Variants in IL18R1 observed in about 807,000 individuals in gnomAD.
The protein encoded by IL18R1 is interleukin-18 receptor 1.
In IL18R1, 40 loss-of-function variants were observed where a neutral mutation model predicts 48.5. The observed-to-expected ratio is 0.82, with a 90% CI of 0.64 to 1.07. The LOEUF (loss-of-function observed/expected upper bound fraction) is 1.07. Among genes scored for constraint, IL18R1 ranks in the 50% least tolerant of loss-of-function variants. The pLI, the probability that IL18R1 is intolerant of heterozygous loss-of-function variation, is 0.00. For synonymous variants in IL18R1, 232 were observed against 225.9 expected (o/e 1.03, Z -0.24); for missense variants, 596 against 633.7 (o/e 0.94, Z 0.64).
At chr2:102,389,726 C>G (rs1360651599) in intron 8 of IL18R1, among the ~76,000 whole-genome samples, 1 of 152,216 alleles carries the variant, frequency 6.6e-6, no homozygotes, top group African/African-American at 2.4e-5. Flanking sequence ...GCTAATATTT[C>G]TGTGAGTCCC....
At chr2:102,360,355 C>T (rs1331134716) in intron 1 of IL18R1, among the ~76,000 whole-genome samples, 1 of 152,152 alleles carries the variant, frequency 6.6e-6, no homozygotes, top group Non-Finnish European at 1.5e-5. Flanking sequence ...GCTCCGCCTC[C>T]CGGATTCACA....
At chr2:102,358,082 G>A (rs1433164475) in intron 1 of IL18R1, among the ~76,000 whole-genome samples, 7 of 152,150 alleles carry the variant, frequency 4.6e-5, no homozygotes, top group African/African-American at 1.4e-4. Context: ...TTGCTAATGA[G>A]TGATTTATAT....
chr2:102,359,663 G>A (rs1352006165), intron 1 of IL18R1, among the ~76,000 whole-genome samples: 1 of 152,176 alleles, frequency 6.6e-6, no homozygotes, highest in South Asian at 2.1e-4. Flanking sequence ...AAGCTGCTCA[G>A]TGTGCTTCTG....
chr2:102,397,903 T>A lies in IL18R1; in HGVS notation c.*1017T>A, dbSNP rs1477890570. 6.6e-6 allele frequency: 1 copy of A among 152,180 alleles called. No homozygotes were observed. The highest frequency in any genetic ancestry group is 6.5e-5 in the Admixed American group (1 of 15,282). 9.4% of individuals were successfully genotyped at this position (152,180 alleles called of 1,614,324 possible). On this transcript the variant is annotated 3_prime_UTR_variant, in exon 11 of 11. Transcript: ENST00000233957. ...AGTTTCCTCATCTGTGAAATTAGAATTTATAATAATTGCACCTACCTCCCA... is the reference window on the plus strand; with the variant it reads ...AGTTTCCTCATCTGTGAAATTAGAAATTATAATAATTGCACCTACCTCCCA...
chr2:102,393,509 T>C (rs1680657996), intron 9 of IL18R1, among the ~76,000 whole-genome samples: 1 of 152,228 alleles, frequency 6.6e-6, no homozygotes, highest in Admixed American at 6.5e-5. Flanking sequence ...ATGAGTGCTA[T>C]GGAGGATGCC....
intron 10 of IL18R1, among the ~76,000 whole-genome samples, chr2:102,395,870 C>T (rs1002062650): frequency 5.9e-5 from 9 of 152,208 alleles, no homozygotes; most frequent in Non-Finnish European, 5.9e-5. Flanking sequence ...AACACAGCCA[C>T]GCACATTGGT....
At chr2:102,392,842 C>T (rs1680624524) in intron 9 of IL18R1, among the ~76,000 whole-genome samples, 1 of 152,078 alleles carries the variant, frequency 6.6e-6, no homozygotes, top group South Asian at 2.1e-4. Context: ...AGAATAAAAA[C>T]ATTACCATTA....
At chr2:102,388,938 A>G (rs1052127061) in intron 8 of IL18R1, among the ~76,000 whole-genome samples, 2 of 152,148 alleles carry the variant, frequency 1.3e-5, no homozygotes, top group African/African-American at 4.8e-5. Context: ...TGCCCCCACC[A>G]TTACAATCTA....
chr2:102,361,982 G>A (rs1678602139), intron 1 of IL18R1, among the ~76,000 whole-genome samples: 1 of 152,122 alleles, frequency 6.6e-6, no homozygotes, highest in South Asian at 2.1e-4. Context: ...AAACTCATAT[G>A]GGCAGCCACA....
chr2:102,377,513 T>A (rs1359155007), intron 5 of IL18R1, among the ~76,000 whole-genome samples: 1 of 152,220 alleles, frequency 6.6e-6, no homozygotes. Flanking sequence ...AGACGGGGTT[T>A]CACCGTGTTA....
intron 9 of IL18R1, among the ~76,000 whole-genome samples, chr2:102,392,744 GA>G (rs1208655294): frequency 6.6e-6 from 1 of 152,058 alleles, no homozygotes; most frequent in African/African-American, 2.4e-5. Flanking sequence ...ATAGTTTGAG[GA>G]ACATTTGTTT....
In IL18R1 at chr2:102,381,667, G is replaced by A. The variant is rs752217397; in HGVS notation, c.673G>A (p.Val225Ile). Residue 225 changes from valine (V) to isoleucine (I), a missense_variant, in exon 6 of 11, where the codon GTT (valine) becomes ATT (isoleucine). This residue lies in a region of IL18R1 where 360 missense variants were observed against 339.4 expected (regional missense o/e 1.06). Transcript: ENST00000233957. ...TCTTCTTGGACCAAAGCTTAACCAT[G>A]TTGCAGTGGAATTAGGTATATTTCA... Reference protein sequence around the residue: ...PVLLGPKLNHVAVELGKNVRL... With the variant: ...PVLLGPKLNHIAVELGKNVRL... 1 of 1,611,090 alleles carries A rather than the reference G, an allele frequency of 6.2e-7. No individual in the cohort carries two copies. The highest frequency in any genetic ancestry group is 1.1e-5 in the South Asian group (1 of 91,000).
At chr2:102,361,220 TTAA>T (rs1458276560) in intron 1 of IL18R1, among the ~76,000 whole-genome samples, 2 of 152,142 alleles carry the variant, frequency 1.3e-5, no homozygotes, top group Non-Finnish European at 2.9e-5. Flanking sequence ...ATAGGCAGAG[TTAA>T]TAATAAAATG....
chr2:102,362,730 T>A lies in IL18R1; in HGVS notation c.58+12T>A. On this transcript the variant is annotated intron_variant, in intron 2 of 10. Transcript: ENST00000233957. Reference sequence around the variant, plus strand: ...TGTAAGCACTGCAGGTAAGTGATTATACATACTCTCAAACATATTTCATGA... The same window carrying A: ...TGTAAGCACTGCAGGTAAGTGATTAAACATACTCTCAAACATATTTCATGA... 1 of 1,503,446 alleles carries A rather than the reference T, an allele frequency of 6.7e-7. No individual in the cohort carries two copies. Among genetic ancestry groups the A allele is most frequent in the Non-Finnish European group, 9.2e-7 (1 of 1,092,462 alleles). The allele number at this position is 1,503,446 out of a possible 1,614,324, so 93.1% of individuals were successfully genotyped here. A position where few individuals can be genotyped will look rare whatever the true frequency, so the allele number is the denominator to read the frequency against.
At chr2:102,366,686 T>C (rs931837638) in intron 2 of IL18R1, among the ~76,000 whole-genome samples, 1 of 152,140 alleles carries the variant, frequency 6.6e-6, no homozygotes, top group African/African-American at 2.4e-5. Context: ...TGGACTCAGT[T>C]CTGCAGGGCT....
chr2:102,379,088 A>G (rs1321108181), intron 5 of IL18R1, among the ~76,000 whole-genome samples: 1 of 152,236 alleles, frequency 6.6e-6, no homozygotes, highest in South Asian at 2.1e-4. Flanking sequence ...CAATGTTCCC[A>G]TAACAAAAGA....
At chr2:102,377,509 G>C (rs1248931636) in intron 5 of IL18R1, among the ~76,000 whole-genome samples, 1 of 152,130 alleles carries the variant, frequency 6.6e-6, no homozygotes, top group African/African-American at 2.4e-5. Context: ...GTAGAGACGG[G>C]GTTTCACCGT....
Position 102,367,979 on chromosome 2 carries a change from G to A in IL18R1, c.213G>A (p.Arg71=), listed in dbSNP as rs1214749631. ...GSQEHVELNP[R]SSSRIALHDC... is the part of the protein sequence containing the mutation. ...AGGAACATGTGGAGCTGAACCCAAG[G>A]AGTTCCTCGAGAATTGCTTTGCATG... The change falls in exon 3 of 11, where the codon AGG becomes AGA. Residue 71 remains arginine, a synonymous_variant. Transcript: ENST00000233957. 1.9e-6 allele frequency: 3 copies of A among 1,614,210 alleles called. No individual in the cohort carries two copies. The Admixed American group carries it at 5.0e-5, about 27-fold the overall frequency.
intron 8 of IL18R1, 51 bp downstream of exon 8, chr2:102,387,051 A>C: frequency 6.4e-7 from 1 of 1,571,966 alleles, no homozygotes; most frequent in African/African-American, 1.4e-5. Flanking sequence ...ATTGCTACTG[A>C]GAGACATTTC....
Sources: gnomAD v4.1 joint callset for allele counts (sites outside exome capture counted in the v4.1 genomes callset) on GRCh38, gnomAD v4.1.1 for gene constraint, gnomAD v4.1.1 regional missense constraint, MANE v1.5 for transcripts, NCBI Gene and HGNC (gene_info 2026-07-23, HGNC 2026-07-21) for gene names.